Variants in SCHIP1 observed in about 807,000 individuals in gnomAD.
SCHIP1 encodes the protein schwannomin-interacting protein 1.
Under a neutral mutation model 29.7 loss-of-function variants are expected in SCHIP1, and 8 were observed. The observed-to-expected ratio is 0.27, with a 90% CI of 0.16 to 0.49. SCHIP1 has a LOEUF of 0.49. Ranked by LOEUF, SCHIP1 falls within the 20% of genes least tolerant of loss-of-function variation. The pLI, the probability that SCHIP1 is intolerant of heterozygous loss-of-function variation, is 0.99. For missense variants in SCHIP1, 193 were observed against 294.6 expected (o/e 0.66, Z 2.52); for synonymous variants, 76 against 94.9 (o/e 0.80, Z 1.16).
the SCHIP1 span, among the ~76,000 whole-genome samples, chr3:159,466,688 C>T: frequency 6.6e-6 from 1 of 152,080 alleles, no homozygotes; most frequent in African/African-American, 2.4e-5. Flanking sequence ...GGTTTGTCAA[C>T]ACTTCAAAAA....
the SCHIP1 span, among the ~76,000 whole-genome samples, chr3:159,491,502 C>T: frequency 2.2e-4 from 33 of 152,312 alleles, no homozygotes; most frequent in African/African-American, 7.7e-4. Flanking sequence ...GAGCTTCCCT[C>T]ATTGCTAGCA....
At chr3:159,527,410 A>G in the SCHIP1 span, among the ~76,000 whole-genome samples, 23 of 152,190 alleles carry the variant, frequency 1.5e-4, no homozygotes, top group Non-Finnish European at 3.4e-4. Context: ...GCTAAGAGGG[A>G]CCACTGAAAG....
At chr3:159,604,909 G>A in the SCHIP1 span, among the ~76,000 whole-genome samples, 3 of 152,198 alleles carry the variant, frequency 2.0e-5, no homozygotes, top group South Asian at 2.1e-4. Flanking sequence ...ATAACCTCAC[G>A]CCACTAAAAT....
the SCHIP1 span, among the ~76,000 whole-genome samples, chr3:159,354,900 G>A: frequency 2.0e-5 from 3 of 152,240 alleles, no homozygotes; most frequent in East Asian, 5.8e-4. Context: ...ACCGCAGAAA[G>A]CAATGATTAT....
At chr3:159,612,221 T>C in the SCHIP1 span, among the ~76,000 whole-genome samples, 26,193 of 152,080 alleles carry the variant, frequency 0.17, 6,429 homozygotes, top group African/African-American at 0.55. Context: ...TTTTTTAAGA[T>C]ATCAATGACA....
chr3:159,674,438 T>C, the SCHIP1 span, among the ~76,000 whole-genome samples: 1 of 151,908 alleles, frequency 6.6e-6, no homozygotes, highest in African/African-American at 2.4e-5. Context: ...ACTTCCAGTG[T>C]CTGCTGCTAG....
the SCHIP1 span, among the ~76,000 whole-genome samples, chr3:159,512,663 AT>A: frequency 2.0e-5 from 3 of 152,246 alleles, no homozygotes; most frequent in African/African-American, 7.2e-5. Flanking sequence ...ATCATGGAGA[AT>A]GGGACATACC....
chr3:159,430,411 A>G, the SCHIP1 span, among the ~76,000 whole-genome samples: 2 of 152,184 alleles, frequency 1.3e-5, no homozygotes, highest in Non-Finnish European at 2.9e-5. Flanking sequence ...AGTAATCAGA[A>G]CTAGTGATTA....
intron 1 of SCHIP1, among the ~76,000 whole-genome samples, chr3:159,855,722 A>G (rs185243518): frequency 3.8e-4 from 58 of 152,284 alleles, no homozygotes; most frequent in African/African-American, 1.3e-3. Flanking sequence ...GTCAAAAACA[A>G]TTAAAAAATT....
the SCHIP1 span, among the ~76,000 whole-genome samples, chr3:159,634,008 G>A: frequency 4.6e-5 from 7 of 152,130 alleles, no homozygotes; most frequent in South Asian, 4.1e-4. Flanking sequence ...AATATTTAGC[G>A]ACAAAAACAA....
At chr3:159,302,883 A>C in the SCHIP1 span, among the ~76,000 whole-genome samples, 132 of 152,278 alleles carry the variant, frequency 8.7e-4, no homozygotes, top group Non-Finnish European at 1.6e-3. Context: ...GAGAAAACCA[A>C]ATAAGACTAA....
the SCHIP1 span, among the ~76,000 whole-genome samples, chr3:159,683,346 C>A: frequency 5.3e-5 from 8 of 152,284 alleles, no homozygotes; most frequent in African/African-American, 1.9e-4. Context: ...CCACTGTTCC[C>A]GGCCCAGGAA....
At chr3:159,780,479 A>T in the SCHIP1 span, among the ~76,000 whole-genome samples, 1 of 152,192 alleles carries the variant, frequency 6.6e-6, no homozygotes, top group East Asian at 1.9e-4. Flanking sequence ...TAATAAATAC[A>T]TTTCTCTTGC....
At chr3:159,423,371 G>A in the SCHIP1 span, among the ~76,000 whole-genome samples, 129 of 152,324 alleles carry the variant, frequency 8.5e-4, no homozygotes, top group South Asian at 0.017. Flanking sequence ...GCACTTTTCC[G>A]ACGGGCTTAA....
At chr3:159,710,039 C>A in the SCHIP1 span, among the ~76,000 whole-genome samples, 1 of 152,092 alleles carries the variant, frequency 6.6e-6, no homozygotes, top group Non-Finnish European at 1.5e-5. Flanking sequence ...GAGATTCCTC[C>A]AAAAACTAAA....
the SCHIP1 span, among the ~76,000 whole-genome samples, chr3:159,554,011 TGTG>T: frequency 3.3e-5 from 4 of 122,488 alleles, no homozygotes; most frequent in African/African-American, 1.3e-4. Flanking sequence ...TGTGTGTGTG[TGTG>T]TGTGTTTGTG....
the SCHIP1 span, among the ~76,000 whole-genome samples, chr3:159,606,066 C>A: frequency 1.3e-5 from 2 of 152,244 alleles, no homozygotes; most frequent in African/African-American, 4.8e-5. Context: ...TGAATCTCCC[C>A]AGGTAGTTCT....
intron 2 of SCHIP1, among the ~76,000 whole-genome samples, chr3:159,882,604 T>C (rs2109397569): frequency 6.6e-6 from 1 of 152,332 alleles, no homozygotes; most frequent in Middle Eastern, 3.4e-3. Flanking sequence ...GCCATGACAT[T>C]GTTTCTCTCA....
chr3:159,586,283 G>A, the SCHIP1 span, among the ~76,000 whole-genome samples: 2 of 152,164 alleles, frequency 1.3e-5, no homozygotes, highest in African/African-American at 2.4e-5. Flanking sequence ...GGGAGCAAAG[G>A]TTGCTGGGCT....
Sources: allele counts gnomAD v4.1 joint callset (sites outside exome capture counted in the v4.1 genomes callset), GRCh38; gene constraint gnomAD v4.1.1; transcripts MANE v1.5; gene names NCBI Gene and HGNC (gene_info 2026-07-23, HGNC 2026-07-21).